The following SCNN1A variants were observed in gnomAD, a reference collection of about 807,000 sequenced individuals.
SCNN1A encodes epithelial sodium channel subunit alpha.
Under a neutral mutation model 68.6 loss-of-function variants are expected in SCNN1A, and 65 were observed. The observed-to-expected ratio is 0.95, with a 90% CI of 0.78 to 1.16. The LOEUF (loss-of-function observed/expected upper bound fraction) is 1.16, where lower values mean the gene tolerates loss of function less well. SCNN1A is among the 50% of genes most tolerant of loss of function. SCNN1A has a pLI of 0.00. For synonymous variants in SCNN1A, 357 were observed against 353.3 expected (o/e 1.01, Z -0.12); for missense variants, 880 against 865.9 (o/e 1.02, Z -0.20).
At position 6,347,699 on chromosome 12, in the gene SCNN1A, T is replaced by A; in HGVS notation, c.*174A>T. ...GGCACTTCTGGGCAGCTTCATCAGC[T>A]ACTGTTCTTGGAGCAACTTCCTGAG... On this transcript the variant is annotated 3_prime_UTR_variant, in exon 13 of 13. Coordinates refer to ENST00000228916, the MANE Select transcript of SCNN1A (RefSeq NM_001038.6). 1.5e-6 allele frequency: 1 copy of A among 652,138 alleles called. No homozygotes were observed. Among genetic ancestry groups the A allele is most frequent in the Non-Finnish European group, 2.8e-6 (1 of 361,930 alleles). 40.4% of individuals were successfully genotyped at this position (652,138 alleles called of 1,614,324 possible).
intron 2 of SCNN1A, among the ~76,000 whole-genome samples, chr12:6,371,784 A>T (rs1948798945): frequency 6.6e-6 from 1 of 152,110 alleles, no homozygotes; most frequent in Admixed American, 6.5e-5. Context: ...TGGCCCATAA[A>T]TATATACAAA....
In SCNN1A at chr12:6,374,797, G is replaced by T; in HGVS notation, c.-14C>A. The T allele has an allele frequency of 6.2e-7, 1 of 1,613,972 alleles. No individual in the cohort carries two copies. Among genetic ancestry groups the T allele is most frequent in the Non-Finnish European group, 8.5e-7 (1 of 1,179,988 alleles). On this transcript the variant is annotated 5_prime_UTR_variant, in exon 2 of 13. Transcript: ENST00000228916. The surrounding 1 kb of genome is among the most constrained non-coding windows in gnomAD (Gnocchi z 6.2). ...GTTCCCCTCCATGAGACCTGGTATG[G>T]GCTGCAGAGGTCTAGGGTCCTGCTC...
At chr12:6,376,258 C>A (rs1056666091), upstream of SCNN1A, 3 of 912,660 alleles carry the variant, frequency 3.3e-6, no homozygotes, top group East Asian at 2.4e-4. Context: ...TCGCCACCCC[C>A]TCCAACCTTG....
chr12:6,348,105 C>G lies in SCNN1A; in HGVS notation c.1778G>C (p.Trp593Ser). 1 of 1,614,156 alleles carries G rather than the reference C, an allele frequency of 6.2e-7. No individual in the cohort carries two copies. The highest frequency in any genetic ancestry group is 1.1e-5 in the South Asian group (1 of 91,084). ...ACCCCTGCCCCCTCGGCCTGGAGAC[C>G]AGTATCGGCTTCGGAACCTTCGGAG... is the stretch of plus-strand genomic sequence containing the variant. ...MLLRRFRSRY[W>S]SPGRGGRGAQ... The change falls in exon 13 of 13, where the codon TGG becomes TCG. Residue 593 changes from tryptophan to serine, a missense_variant. Transcript: ENST00000228916.
Position 6,372,305 on chromosome 12 carries a change from T to G in SCNN1A, c.416+2063A>C, listed in dbSNP as rs931203028. 6.6e-6 allele frequency among the ~76,000 whole-genome samples: 1 copy of G among 152,150 alleles called. No homozygotes were observed. The highest frequency in any genetic ancestry group is 2.4e-5 in the African/African-American group (1 of 41,440). ...GAGAGTGTCTATAAAGCACCCAGCT[T>G]TAGGGTGTAGCACATAATGTGACTA... On this transcript the variant is annotated intron_variant, in intron 2 of 12. Coordinates refer to ENST00000228916, the MANE Select transcript of SCNN1A (RefSeq NM_001038.6). The surrounding 1 kb of genome is among the most constrained non-coding windows in gnomAD (Gnocchi z 5.8).
rs1206232728 is a variant in SCNN1A at position 6,349,207 on chromosome 12, T to C, written c.1454A>G (p.Gln485Arg). 6.2e-7 allele frequency: 1 copy of C among 1,614,002 alleles called. No homozygotes were observed. Among genetic ancestry groups the C allele is most frequent in the Non-Finnish European group, 8.5e-7 (1 of 1,180,010 alleles). ...CRKPCSVTSY[Q>R]LSAGYSRWPS... is the part of the protein sequence containing the mutation. ...CCATCGTGAGTAACCAGCAGAGAGC[T>C]GGTAGCTGGTCACGCTGGGGATGGA... The change falls in exon 10 of 13, where the codon CAG becomes CGG. Residue 485 changes from glutamine (Q) to arginine (R), a missense_variant. This residue lies in a region of SCNN1A where 758 missense variants were observed against 721.8 expected (regional missense o/e 1.05). Transcript: ENST00000228916.
rs899156938 is a variant in SCNN1A, at chr12:6,354,666, T to TCA, written c.1242+82_1242+83dup. On this transcript the variant is annotated intron_variant, in intron 7 of 12. Transcript: ENST00000228916. The stretch of plus-strand genomic sequence containing the variant: ...ACCCCCCAGTTTCCCTCTCTCTCTC[T>TCA]CACATACACAACCCCTCCAGCTTTG... The TCA allele has an allele frequency of 2.9e-6, 4 of 1,390,012 alleles. No homozygotes were observed. The East Asian group carries it at 6.8e-5, about 24-fold the overall frequency. 86.1% of individuals were successfully genotyped at this position (1,390,012 alleles called of 1,614,324 possible).
chr12:6,361,981 T>C (rs2136881745), intron 4 of SCNN1A, 70 bp downstream of exon 4: 2 of 1,503,224 alleles, frequency 1.3e-6, no homozygotes, highest in East Asian at 2.3e-5. Context: ...GCCCTGCCCA[T>C]GCAGGGCGTG....
At chr12:6,366,611 A>G (rs1948683329) in intron 2 of SCNN1A, among the ~76,000 whole-genome samples, 1 of 151,916 alleles carries the variant, frequency 6.6e-6, no homozygotes, top group African/African-American at 2.4e-5. Context: ...GACCAGACTG[A>G]CCAACATGGA....
intron 8 of SCNN1A, 86 bp downstream of exon 8, chr12:6,354,352 C>A: frequency 2.3e-6 from 2 of 867,834 alleles, no homozygotes; most frequent in Non-Finnish European, 4.0e-6. Context: ...CAGAAGTCAT[C>A]CCCACAAACA....
chr12:6,369,317 G>T lies in SCNN1A; in HGVS notation c.416+5051C>A, dbSNP rs747751227. Among the ~76,000 whole-genome samples, 313 of 112,580 alleles carry T rather than the reference G, an allele frequency of 2.8e-3. 1 individual carries two copies. Among genetic ancestry groups the T allele is most frequent in the East Asian group, 8.0e-3 (27 of 3,356 alleles). The allele number at this position is 112,580 out of a possible 152,430, so 73.9% of individuals were successfully genotyped here. On this transcript the variant is annotated intron_variant, in intron 2 of 12. Coordinates refer to ENST00000228916, the MANE Select transcript of SCNN1A (RefSeq NM_001038.6). ...ACTCACCTCCCTCCTGCCACCCTAC[G>T]CACCTCCCTCCTGCCACCCTACGCA... is the stretch of plus-strand genomic sequence containing the variant.
At chr12:6,356,704 C>A (rs1414626821) in intron 4 of SCNN1A, among the ~76,000 whole-genome samples, 3 of 152,164 alleles carry the variant, frequency 2.0e-5, no homozygotes, top group African/African-American at 7.2e-5. Flanking sequence ...GGTTCCAGAA[C>A]AGGGAGGCTG....
intron 9 of SCNN1A, 36 bp downstream of exon 9, chr12:6,349,291 T>G: frequency 6.2e-7 from 1 of 1,613,436 alleles, no homozygotes; most frequent in Non-Finnish European, 8.5e-7. Context: ...TAACCTGTAT[T>G]CTACCCAACC....
At chr12:6,363,770 C>G in intron 2 of SCNN1A, 60 bp from the exon 3 acceptor site, 1 of 1,479,498 alleles carries the variant, frequency 6.8e-7, no homozygotes, top group Non-Finnish European at 9.1e-7. Flanking sequence ...TCTGGCCCCT[C>G]CGGGGTCAGG....
At chr12:6,375,605 C>A (rs72645137), upstream of SCNN1A, 12 of 1,473,918 alleles carry the variant, frequency 8.1e-6, no homozygotes, top group Non-Finnish European at 1.1e-5. Flanking sequence ...GTGAGCAGGG[C>A]GGGGGGAGGG....
At chr12:6,350,821 A>G (rs1948374284) in intron 8 of SCNN1A, among the ~76,000 whole-genome samples, 1 of 151,968 alleles carries the variant, frequency 6.6e-6, no homozygotes, top group Admixed American at 6.5e-5. Flanking sequence ...TGGGCAACAG[A>G]GTGAGAGTCT....
rs757970565 is a variant in SCNN1A at position 6,374,678 on chromosome 12, C to T, written c.106G>A (p.Ala36Thr). The part of the protein sequence containing the change: ...REEQGLGPEP[A>T]APQQPTAEEE... ...TCCGCCGTGGGCTGCTGGGGCGCCG[C>T]AGGTTCGGGGCCCAGCCCCTGCTCC... The change falls in exon 2 of 13, where the codon GCG (alanine) becomes ACG (threonine). Residue 36 changes from alanine (A) to threonine (T), a missense_variant. Around this residue, in one of 3 missense-constraint regions of SCNN1A, gnomAD observed 77 missense variants for 67.4 expected, o/e 1.14. Coordinates refer to ENST00000228916, the MANE Select transcript of SCNN1A (RefSeq NM_001038.6). This position sits in a 1 kb window ranked among gnomAD's most constrained non-coding sequence, Gnocchi z 6.2. 1 of 1,613,928 alleles carries T rather than the reference C, an allele frequency of 6.2e-7. No homozygotes were observed. The highest frequency in any genetic ancestry group is 8.5e-7 in the Non-Finnish European group (1 of 1,179,910).
chr12:6,368,578 C>T (rs1183490726), intron 2 of SCNN1A, among the ~76,000 whole-genome samples: 1 of 152,220 alleles, frequency 6.6e-6, no homozygotes, highest in East Asian at 1.9e-4. Flanking sequence ...TACCGTTAGC[C>T]ACTGTTAGCT....
At chr12:6,365,225 C>G (rs1310254691) in intron 2 of SCNN1A, among the ~76,000 whole-genome samples, 1 of 152,050 alleles carries the variant, frequency 6.6e-6, no homozygotes, top group African/African-American at 2.4e-5. Context: ...ACCACGTTGC[C>G]CAGGCTGGAC....
Sources: gnomAD v4.1 joint callset for allele counts (sites outside exome capture counted in the v4.1 genomes callset) on GRCh38, gnomAD v4.1.1 for gene constraint, gnomAD v4.1.1 regional missense constraint, Gnocchi (gnomAD v3.1) non-coding constraint, MANE v1.5 for transcripts, NCBI Gene and HGNC (gene_info 2026-07-23, HGNC 2026-07-21) for gene names.